Variants in GRHL2 observed in about 807,000 individuals in gnomAD.
GRHL2 encodes the protein grainyhead-like protein 2 homolog.
GRHL2 carries 21 observed loss-of-function variants against 83.8 expected under a neutral mutation model. The observed-to-expected ratio is 0.25, with a 90% CI of 0.18 to 0.36. The LOEUF (loss-of-function observed/expected upper bound fraction) is 0.36, where lower values mean the gene tolerates loss of function less well. Among genes scored for constraint, GRHL2 ranks in the 10% least tolerant of loss-of-function variants. GRHL2 has a pLI of 1.00. For missense variants in GRHL2, 623 were observed against 781.8 expected (o/e 0.80, Z 2.42); for synonymous variants, 280 against 278.9 (o/e 1.00, Z -0.04).
chr8:101,496,903 C>T (rs750890362), intron 1 of GRHL2, among the ~76,000 whole-genome samples: 2 of 152,052 alleles, frequency 1.3e-5, no homozygotes, highest in Admixed American at 6.6e-5. Context: ...GTGGGTGAAT[C>T]AGAGTCAGAG....
At chr8:101,572,411 C>G (rs552933306) in intron 5 of GRHL2, among the ~76,000 whole-genome samples, 2 of 152,264 alleles carry the variant, frequency 1.3e-5, no homozygotes, top group Admixed American at 6.5e-5. Flanking sequence ...GAATATTATT[C>G]TGCCCTTCAG....
chr8:101,638,053 C>G (rs984032924), intron 12 of GRHL2, among the ~76,000 whole-genome samples: 1 of 152,214 alleles, frequency 6.6e-6, no homozygotes, highest in African/African-American at 2.4e-5. Context: ...GACCTGGATG[C>G]TATTTTATAC....
intron 7 of GRHL2, 117 bp downstream of exon 7, chr8:101,577,636 C>T (rs6984024): frequency 1.6e-5 from 12 of 734,090 alleles, no homozygotes; most frequent in Non-Finnish European, 2.2e-5. Context: ...ATGATGTGCC[C>T]GGCACTAGTC....
At chr8:101,666,489 A>G (rs1814060444) in intron 15 of GRHL2, 100 bp from the exon 16 acceptor site, 1 of 741,632 alleles carries the variant, frequency 1.3e-6, no homozygotes, top group Non-Finnish European at 2.5e-6. Context: ...CTCCACCACA[A>G]AAGAATGGCT....
intron 4 of GRHL2, among the ~76,000 whole-genome samples, chr8:101,568,075 G>A (rs1161190696): frequency 6.6e-6 from 1 of 152,124 alleles, no homozygotes; most frequent in African/African-American, 2.4e-5. Flanking sequence ...GTCCAGTAGA[G>A]CTTTCTGCAA....
At chr8:101,647,557 G>T (rs1813537441) in intron 13 of GRHL2, among the ~76,000 whole-genome samples, 1 of 152,054 alleles carries the variant, frequency 6.6e-6, no homozygotes, top group Non-Finnish European at 1.5e-5. Flanking sequence ...CGCTAACATT[G>T]AGTCCTCTTA....
intron 8 of GRHL2, among the ~76,000 whole-genome samples, chr8:101,606,692 G>C (rs2130333896): frequency 6.6e-6 from 1 of 152,312 alleles, no homozygotes; most frequent in Middle Eastern, 3.4e-3. Flanking sequence ...GATGTGACTA[G>C]AGCCATCATA....
intron 7 of GRHL2, among the ~76,000 whole-genome samples, chr8:101,591,165 C>T (rs1320772165): frequency 1.3e-5 from 2 of 152,128 alleles, no homozygotes; most frequent in African/African-American, 4.8e-5. Flanking sequence ...AAGGATTCAC[C>T]ATAACAATTC....
intron 1 of GRHL2, among the ~76,000 whole-genome samples, chr8:101,532,403 A>G (rs191721749): frequency 6.6e-6 from 1 of 152,338 alleles, no homozygotes; most frequent in Admixed American, 6.5e-5. Context: ...TGAATCAGCT[A>G]CAAGAAAATG....
At chr8:101,656,604 G>C (rs1259756113) in intron 14 of GRHL2, among the ~76,000 whole-genome samples, 1 of 152,244 alleles carries the variant, frequency 6.6e-6, no homozygotes, top group Admixed American at 6.5e-5. Context: ...GAAGTAGTCT[G>C]TGTGGTGTTG....
intron 8 of GRHL2, among the ~76,000 whole-genome samples, chr8:101,604,729 C>A (rs1382150631): frequency 6.6e-6 from 1 of 152,128 alleles, no homozygotes; most frequent in Non-Finnish European, 1.5e-5. Flanking sequence ...TGCCTCCAAG[C>A]CTTTTAGAAT....
intron 1 of GRHL2, among the ~76,000 whole-genome samples, chr8:101,507,287 G>C (rs1432013618): frequency 6.6e-6 from 1 of 151,988 alleles, no homozygotes; most frequent in Non-Finnish European, 1.5e-5. Flanking sequence ...CAAATATTTT[G>C]GTCTTATGTA....
chr8:101,571,412 T>C (rs2130222746), intron 5 of GRHL2, among the ~76,000 whole-genome samples: 1 of 151,134 alleles, frequency 6.6e-6, no homozygotes, highest in African/African-American at 2.4e-5. Flanking sequence ...TCCAGCACTT[T>C]GGGAGGCCGA....
chr8:101,537,541 C>T (rs746048254), intron 1 of GRHL2, among the ~76,000 whole-genome samples: 13 of 152,104 alleles, frequency 8.5e-5, no homozygotes, highest in Admixed American at 2.0e-4. Context: ...TTCTATGGAG[C>T]GTACTACTAC....
At chr8:101,508,076 G>A (rs917131741) in intron 1 of GRHL2, among the ~76,000 whole-genome samples, 6 of 152,026 alleles carry the variant, frequency 3.9e-5, no homozygotes, top group Non-Finnish European at 7.4e-5. Context: ...GTGAGCCACC[G>A]TGCTTGGCCT....
At chr8:101,568,587 T>G (rs1051099843) in intron 4 of GRHL2, among the ~76,000 whole-genome samples, 13 of 140,902 alleles carry the variant, frequency 9.2e-5, no homozygotes, top group Admixed American at 9.2e-4. Context: ...TGTATTTTAG[T>G]TTTTTTTTTT....
In GRHL2 at chr8:101,669,591, T is replaced by TAA. The variant is rs11342848; in HGVS notation, c.*2898_*2899dup. ...ATATGTACAATTTGCTCTCATGTTT[T>TAA]AAAAAAAAAAAGGTAAATGTAACTT... On this transcript the variant is annotated 3_prime_UTR_variant, in exon 16 of 16. Coordinates refer to ENST00000646743, the MANE Select transcript of GRHL2 (RefSeq NM_024915.4). 589 of 149,772 alleles carry TAA rather than the reference T, an allele frequency of 3.9e-3. 7 individuals carry two copies. The East Asian group carries it at 0.056, about 14-fold the overall frequency. 9.3% of individuals were successfully genotyped at this position (149,772 alleles called of 1,614,324 possible). A position where few individuals can be genotyped will look rare whatever the true frequency, so the allele number is the denominator to read the frequency against.
Position 101,492,601 on chromosome 8 carries a change from G to T in GRHL2, c.-169G>T. The T allele has an allele frequency of 2.8e-6, 2 of 722,312 alleles. No individual in the cohort carries two copies. The highest frequency in any genetic ancestry group is 5.1e-6 in the Non-Finnish European group (2 of 390,896). The allele number at this position is 722,312 out of a possible 1,614,324, so 44.7% of individuals were successfully genotyped here. ...TTTCCGGCTAGGTGAGGGCGCGAGC[G>T]GGCGAGCGAGCGAGAGTGGTGAGGG... On this transcript the variant is annotated 5_prime_UTR_variant, in exon 1 of 16. Coordinates refer to ENST00000646743, the MANE Select transcript of GRHL2 (RefSeq NM_024915.4).
intron 1 of GRHL2, among the ~76,000 whole-genome samples, chr8:101,526,694 G>A (rs1234140991): frequency 6.6e-6 from 1 of 151,548 alleles, no homozygotes; most frequent in Non-Finnish European, 1.5e-5. Context: ...CATTCTTTCA[G>A]GTAAAAATGG....
Sources: allele counts gnomAD v4.1 joint callset (sites outside exome capture counted in the v4.1 genomes callset), GRCh38; gene constraint gnomAD v4.1.1; transcripts MANE v1.5; gene names NCBI Gene and HGNC (gene_info 2026-07-23, HGNC 2026-07-21).